NOS1AP: variants seen among roughly 807,000 people sequenced by gnomAD.
NOS1AP encodes nitric oxide synthase 1 adaptor protein.
Under a neutral mutation model 56.2 loss-of-function variants are expected in NOS1AP, and 21 were observed. The observed-to-expected ratio is 0.37, with a 90% CI of 0.26 to 0.54. The LOEUF is 0.54. NOS1AP is among the 20% of genes least tolerant of loss of function. The probability of loss-of-function intolerance (pLI) is 0.84; values close to 1 mark genes in which losing one functional copy is unlikely to be tolerated. For missense variants in NOS1AP, 522 were observed against 657.8 expected (o/e 0.79, Z 2.26); for synonymous variants, 270 against 274.6 (o/e 0.98, Z 0.17).
intron 1 of NOS1AP, among the ~76,000 whole-genome samples, chr1:162,111,601 G>C (rs1037773691): frequency 6.6e-6 from 1 of 152,130 alleles, no homozygotes; most frequent in Admixed American, 6.5e-5. Context: ...TGATTTTGGC[G>C]TCTTAAACGG....
chr1:162,174,071 AG>A (rs1399015721), intron 2 of NOS1AP, among the ~76,000 whole-genome samples: 1 of 152,222 alleles, frequency 6.6e-6, no homozygotes, highest in Non-Finnish European at 1.5e-5. Flanking sequence ...ATATACCCAA[AG>A]GATTATAAAT....
chr1:162,141,983 A>G (rs138921660), intron 1 of NOS1AP, among the ~76,000 whole-genome samples: 2 of 152,284 alleles, frequency 1.3e-5, no homozygotes, highest in African/African-American at 4.8e-5. Flanking sequence ...AAAAGCTATC[A>G]TTTGTCCATT....
chr1:162,260,135 T>C (rs1187857849), intron 2 of NOS1AP, among the ~76,000 whole-genome samples: 1 of 152,098 alleles, frequency 6.6e-6, no homozygotes, highest in East Asian at 1.9e-4. Context: ...GCTTTACCTA[T>C]GAAGTTGCTA....
chr1:162,229,554 G>T (rs1653051776), intron 2 of NOS1AP, among the ~76,000 whole-genome samples: 1 of 151,932 alleles, frequency 6.6e-6, no homozygotes, highest in Non-Finnish European at 1.5e-5. Context: ...CTGAGTTTCT[G>T]TTTCACCTGT....
chr1:162,234,481 T>C (rs1286440774), intron 2 of NOS1AP, among the ~76,000 whole-genome samples: 1 of 152,070 alleles, frequency 6.6e-6, no homozygotes, highest in Non-Finnish European at 1.5e-5. Context: ...GAAATTTTTG[T>C]CTTGTGAAGT....
intron 2 of NOS1AP, among the ~76,000 whole-genome samples, chr1:162,178,123 T>C (rs1651126387): frequency 6.6e-6 from 1 of 152,258 alleles, no homozygotes; most frequent in Non-Finnish European, 1.5e-5. Flanking sequence ...TAGATTGGTT[T>C]CTTTCACTTA....
chr1:162,116,995 A>G (rs73023273), intron 1 of NOS1AP, among the ~76,000 whole-genome samples: 6 of 152,302 alleles, frequency 3.9e-5, no homozygotes, highest in African/African-American at 1.4e-4. Flanking sequence ...CATTGTCCGA[A>G]TCAAAATCAA....
At chr1:162,282,939 G>A (rs1654978358) in intron 2 of NOS1AP, among the ~76,000 whole-genome samples, 1 of 152,094 alleles carries the variant, frequency 6.6e-6, no homozygotes, top group Non-Finnish European at 1.5e-5. Context: ...GAAGGACTTG[G>A]CAAAATGAAT....
At chr1:162,328,322 A>G (rs186570278) in intron 4 of NOS1AP, among the ~76,000 whole-genome samples, 29 of 152,344 alleles carry the variant, frequency 1.9e-4, no homozygotes, top group African/African-American at 6.3e-4. Flanking sequence ...ACATTTACCT[A>G]TGTAACAAAC....
At chr1:162,251,299 C>A (rs954986840) in intron 2 of NOS1AP, among the ~76,000 whole-genome samples, 3 of 152,122 alleles carry the variant, frequency 2.0e-5, no homozygotes, top group Admixed American at 1.3e-4. Flanking sequence ...TCTGTCACAT[C>A]TTCCCTGAGT....
chr1:162,271,286 C>T (rs1005435969), intron 2 of NOS1AP, among the ~76,000 whole-genome samples: 1 of 145,334 alleles, frequency 6.9e-6, no homozygotes, highest in African/African-American at 2.5e-5. Context: ...GATGGTACCC[C>T]CCACCCCCCA....
intron 1 of NOS1AP, among the ~76,000 whole-genome samples, chr1:162,127,287 T>G (rs1648530374): frequency 6.6e-6 from 1 of 152,200 alleles, no homozygotes; most frequent in South Asian, 2.1e-4. Context: ...GAAAACTTTT[T>G]AAGTTGAAAG....
intron 1 of NOS1AP, among the ~76,000 whole-genome samples, chr1:162,140,777 C>T (rs946760085): frequency 2.0e-5 from 3 of 152,086 alleles, no homozygotes; most frequent in African/African-American, 4.8e-5. Context: ...TATAGAAGCG[C>T]GCCCTTTTCT....
At chr1:162,343,700 T>C in intron 5 of NOS1AP, 135 bp from the exon 6 acceptor site, 1 of 942,840 alleles carries the variant, frequency 1.1e-6, no homozygotes, top group South Asian at 1.3e-5. Context: ...GGAAATGTCT[T>C]TGCACTCATT....
At chr1:162,247,152 T>C (rs1440894001) in intron 2 of NOS1AP, among the ~76,000 whole-genome samples, 1 of 152,150 alleles carries the variant, frequency 6.6e-6, no homozygotes, top group African/African-American at 2.4e-5. Flanking sequence ...TTTTTTGTTG[T>C]CTTGGTTCCT....
intron 1 of NOS1AP, among the ~76,000 whole-genome samples, chr1:162,097,812 C>T (rs2102028213): frequency 6.6e-6 from 1 of 152,282 alleles, no homozygotes; most frequent in Non-Finnish European, 1.5e-5. Context: ...ATGGTCTTGG[C>T]TATTCTTGGG....
At chr1:162,201,627 T>C (rs564410357) in intron 2 of NOS1AP, among the ~76,000 whole-genome samples, 95 of 152,330 alleles carry the variant, frequency 6.2e-4, no homozygotes, top group Middle Eastern at 3.4e-3. Flanking sequence ...TTTTTGACTT[T>C]TTAGTAATAG....
intron 2 of NOS1AP, among the ~76,000 whole-genome samples, chr1:162,221,446 C>T (rs1365113760): frequency 6.6e-6 from 1 of 151,866 alleles, no homozygotes; most frequent in Admixed American, 6.6e-5. Flanking sequence ...CAGTCATTCT[C>T]CCTTTCTACA....
chr1:162,106,849 A>G (rs1308861255), intron 1 of NOS1AP, among the ~76,000 whole-genome samples: 3 of 152,244 alleles, frequency 2.0e-5, no homozygotes, highest in Non-Finnish European at 4.4e-5. Flanking sequence ...AATTCCCAGT[A>G]CAATTAAATC....
Sources: gnomAD v4.1 joint callset for allele counts (sites outside exome capture counted in the v4.1 genomes callset) on GRCh38, gnomAD v4.1.1 for gene constraint, MANE v1.5 for transcripts, NCBI Gene and HGNC (gene_info 2026-07-23, HGNC 2026-07-21) for gene names.